Variants in CNOT4 observed in about 807,000 individuals in gnomAD.
CNOT4 encodes the protein CCR4-NOT transcription complex subunit 4, also known as CCR4-associated factor 4.
A neutral mutation model predicts 73.8 loss-of-function variants in CNOT4; 8 were observed. The ratio of observed to expected loss-of-function variants is 0.11; its 90% confidence interval spans 0.06 to 0.20. The LOEUF (loss-of-function observed/expected upper bound fraction) is 0.20, where lower values mean the gene tolerates loss of function less well. Among genes scored for constraint, CNOT4 ranks in the 10% least tolerant of loss-of-function variants. The probability of loss-of-function intolerance (pLI) is 1.00; values close to 1 mark genes in which losing one functional copy is unlikely to be tolerated. For synonymous variants in CNOT4, 293 were observed against 321.1 expected, an observed-to-expected ratio of 0.91 and a Z score of 0.94; for missense variants, 564 against 883.4, an observed-to-expected ratio of 0.64 and a Z score of 4.58.
chr7:135,417,903 C>T (rs1028885509), intron 3 of CNOT4, among the ~76,000 whole-genome samples: 1 of 152,174 alleles, frequency 6.6e-6, no homozygotes, highest in Non-Finnish European at 1.5e-5. Context: ...CAGAGGGGTA[C>T]GTACCTCCCT....
intron 1 of CNOT4, among the ~76,000 whole-genome samples, chr7:135,463,128 C>T (rs373706436): frequency 1.3e-5 from 2 of 152,182 alleles, no homozygotes; most frequent in East Asian, 1.9e-4. Flanking sequence ...TTGGTTACTG[C>T]AGCCTTGTAG....
intron 1 of CNOT4, among the ~76,000 whole-genome samples, chr7:135,458,589 C>T (rs977485375): frequency 6.6e-6 from 1 of 152,128 alleles, no homozygotes; most frequent in African/African-American, 2.4e-5. Flanking sequence ...CCTGTCACTG[C>T]TTTGTCAAAT....
chr7:135,421,333 T>G (rs572727063), intron 3 of CNOT4, among the ~76,000 whole-genome samples: 7 of 152,162 alleles, frequency 4.6e-5, no homozygotes, highest in Non-Finnish European at 1.0e-4. Flanking sequence ...AAGTATTACT[T>G]TAAATTCTTC....
At chr7:135,498,977 C>G (rs1803781879) in intron 1 of CNOT4, among the ~76,000 whole-genome samples, 1 of 152,120 alleles carries the variant, frequency 6.6e-6, no homozygotes, top group Non-Finnish European at 1.5e-5. Flanking sequence ...GCTAAAGGAT[C>G]TTTTAAAGGG....
At chr7:135,480,873 C>T (rs1423925360) in intron 1 of CNOT4, among the ~76,000 whole-genome samples, 2 of 140,998 alleles carry the variant, frequency 1.4e-5, no homozygotes, top group African/African-American at 2.7e-5. Flanking sequence ...GCTGGGAAAA[C>T]TGGATATCTA....
rs148753930 is a variant in CNOT4 at position 135,481,076 on chromosome 7, A to G, written c.-93+28813T>C. 4.5e-3 allele frequency among the ~76,000 whole-genome samples: 682 copies of G among 152,194 alleles called. 10 individuals are homozygous for G. The highest frequency in any genetic ancestry group is 0.016 in the African/African-American group (656 of 41,578). On this transcript the variant is annotated intron_variant, in intron 1 of 11. Transcript: ENST00000541284. The stretch of plus-strand genomic sequence containing the variant: ...CCTCAAAAGCTCAGACAACAAAAAT[A>G]AAAATAGACAAATGGGACTATATTA...
chr7:135,484,450 G>A (rs1219614534), intron 1 of CNOT4, among the ~76,000 whole-genome samples: 1 of 151,954 alleles, frequency 6.6e-6, no homozygotes, highest in Non-Finnish European at 1.5e-5. Context: ...GTTTAGCAAG[G>A]TTATAAGATG....
At chr7:135,433,754 T>C (rs868774684) in intron 2 of CNOT4, among the ~76,000 whole-genome samples, 4 of 152,198 alleles carry the variant, frequency 2.6e-5, no homozygotes, top group Non-Finnish European at 4.4e-5. Context: ...CCTTGTATAG[T>C]CTCTGGTTTC....
intron 1 of CNOT4, among the ~76,000 whole-genome samples, chr7:135,475,606 T>C (rs186975376): frequency 3.9e-5 from 6 of 152,166 alleles, no homozygotes; most frequent in Admixed American, 3.3e-4. Flanking sequence ...CCAGTAAAAA[T>C]AATTTGAGTA....
chr7:135,451,629 C>T (rs1207160205), intron 1 of CNOT4, among the ~76,000 whole-genome samples: 2 of 152,124 alleles, frequency 1.3e-5, no homozygotes, highest in East Asian at 3.8e-4. Flanking sequence ...CATACATGTT[C>T]TCTACATATG....
intron 1 of CNOT4, among the ~76,000 whole-genome samples, chr7:135,504,876 C>G (rs933800392): frequency 1.3e-5 from 2 of 151,978 alleles, no homozygotes; most frequent in Non-Finnish European, 2.9e-5. Flanking sequence ...GATCTGCCCA[C>G]CTCGGCCTCC....
At chr7:135,370,825 G>A (rs1307932033) in intron 10 of CNOT4, among the ~76,000 whole-genome samples, 1 of 152,136 alleles carries the variant, frequency 6.6e-6, no homozygotes, top group Non-Finnish European at 1.5e-5. Flanking sequence ...AAGTTTTGGG[G>A]TCCAAGAGGC....
chr7:135,407,400 G>C (rs913274235), intron 7 of CNOT4, among the ~76,000 whole-genome samples: 2 of 152,018 alleles, frequency 1.3e-5, no homozygotes, highest in African/African-American at 4.8e-5. Flanking sequence ...AATAAATGAG[G>C]AATAACAAGG....
chr7:135,395,325 G>A (rs907625951), intron 9 of CNOT4, among the ~76,000 whole-genome samples: 3 of 151,966 alleles, frequency 2.0e-5, no homozygotes, highest in Admixed American at 6.6e-5. Flanking sequence ...TCCAGCCTGG[G>A]CGAGAGACCA....
At chr7:135,390,745 T>C (rs150140597) in intron 10 of CNOT4, among the ~76,000 whole-genome samples, 1 of 152,244 alleles carries the variant, frequency 6.6e-6, no homozygotes, top group African/African-American at 2.4e-5. Context: ...TAAGTACAAA[T>C]GTATAGTAAG....
rs192999019 is a variant in CNOT4, at chr7:135,467,942, G to A, written c.-92-29519C>T. 2.6e-5 allele frequency among the ~76,000 whole-genome samples: 4 copies of A among 151,956 alleles called. No homozygotes were observed. The East Asian group carries it at 7.8e-4, about 30-fold the overall frequency. On this transcript the variant is annotated intron_variant, in intron 1 of 11. Transcript: ENST00000541284. Reference sequence around the variant, plus strand: ...AAACATCATTACAGATCGGCCAGGCGTGGTGGCTCACGCCTGTAATCCCAG... The same window carrying A: ...AAACATCATTACAGATCGGCCAGGCATGGTGGCTCACGCCTGTAATCCCAG...
intron 5 of CNOT4, 21 bp from the exon 6 acceptor site, chr7:135,413,634 A>C: frequency 6.2e-7 from 1 of 1,602,680 alleles, no homozygotes; most frequent in Non-Finnish European, 8.5e-7. Context: ...AAGAGGGGTA[A>C]AGGAAAAGAA....
At chr7:135,384,051 C>G (rs903314489) in intron 10 of CNOT4, among the ~76,000 whole-genome samples, 11 of 152,116 alleles carry the variant, frequency 7.2e-5, no homozygotes, top group African/African-American at 2.7e-4. Flanking sequence ...CTTATCTTTA[C>G]ACAGCAACTA....
intron 1 of CNOT4, among the ~76,000 whole-genome samples, chr7:135,496,097 T>C (rs578244549): frequency 2.6e-5 from 4 of 152,306 alleles, no homozygotes; most frequent in African/African-American, 9.6e-5. Context: ...AGTTTTTGTT[T>C]TTTTGTTTTT....
Sources: gnomAD v4.1 joint callset for allele counts (sites outside exome capture counted in the v4.1 genomes callset) on GRCh38, gnomAD v4.1.1 for gene constraint, MANE v1.5 for transcripts, NCBI Gene and HGNC (gene_info 2026-07-23, HGNC 2026-07-21) for gene names.